Variants in NIM1K observed in about 807,000 individuals in gnomAD.
NIM1K encodes NIM1 serine/threonine protein kinase.
NIM1K carries 35 observed loss-of-function variants against 37.1 expected under a neutral mutation model. The ratio of observed to expected loss-of-function variants is 0.94; its 90% CI spans 0.72 to 1.25. The LOEUF (loss-of-function observed/expected upper bound fraction) is 1.25, where lower values mean the gene tolerates loss of function less well. Ranked by LOEUF, NIM1K falls within the 50% of genes most tolerant of loss-of-function variation. The pLI is 0.00. For synonymous variants in NIM1K, 234 were observed against 206.6 expected (o/e 1.13, Z -1.14); for missense variants, 564 against 548.0 (o/e 1.03, Z -0.29).
Position 43,245,534 on chromosome 5 carries a change from G to T in NIM1K, c.-242G>T. 2 of 428,422 alleles carry T rather than the reference G, an allele frequency of 4.7e-6. No homozygotes were observed. Among genetic ancestry groups the T allele is most frequent in the Admixed American group, 3.9e-5 (1 of 25,414 alleles). The allele number at this position is 428,422 out of a possible 1,614,324, so 26.5% of individuals were successfully genotyped here. A position where few individuals can be genotyped will look rare whatever the true frequency, so the allele number is the denominator to read the frequency against. On this transcript the variant is annotated 5_prime_UTR_variant, in exon 2 of 4. The change creates a new upstream start codon in the 5' untranslated region. Transcript: ENST00000326035. ...GCTAGAGCCTGCAAGTTCAACGTGA[G>T]GGAAGGTGGGAAATGTCTTGAGTGA...
At chr5:43,210,538 C>A (rs775190588) in intron 1 of NIM1K, among the ~76,000 whole-genome samples, 1 of 152,002 alleles carries the variant, frequency 6.6e-6, no homozygotes, top group Non-Finnish European at 1.5e-5. Flanking sequence ...TGGGGCACCA[C>A]GGACTGGAGG....
chr5:43,219,612 T>C (rs1752353004), intron 1 of NIM1K, among the ~76,000 whole-genome samples: 2 of 152,174 alleles, frequency 1.3e-5, no homozygotes, highest in African/African-American at 4.8e-5. Context: ...ATTAAAACAA[T>C]TATTGAGTTG....
chr5:43,211,485 C>A (rs371292441), intron 1 of NIM1K, among the ~76,000 whole-genome samples: 1 of 152,174 alleles, frequency 6.6e-6, no homozygotes, highest in Non-Finnish European at 1.5e-5. Flanking sequence ...TCTTTGGGAA[C>A]GACCATGGGG....
intron 1 of NIM1K, among the ~76,000 whole-genome samples, chr5:43,193,897 C>T (rs1208553234): frequency 6.6e-6 from 1 of 152,142 alleles, no homozygotes; most frequent in African/African-American, 2.4e-5. Flanking sequence ...CTCTTGTACC[C>T]TCGTTGTCAC....
At chr5:43,269,207 G>A (rs1753216338) in intron 2 of NIM1K, among the ~76,000 whole-genome samples, 1 of 150,068 alleles carries the variant, frequency 6.7e-6, no homozygotes, top group Non-Finnish European at 1.5e-5. Flanking sequence ...CTACTCAGGA[G>A]GCTGAGGCAG....
At chr5:43,225,262 A>G (rs1752438764) in intron 1 of NIM1K, among the ~76,000 whole-genome samples, 1 of 7,062 alleles carries the variant, frequency 1.4e-4, no homozygotes, top group Non-Finnish European at 2.7e-4. Context: ...CCTCTTTCCA[A>G]AAAAAAAAAA....
At chr5:43,273,751 C>A (rs1355127800) in intron 2 of NIM1K, among the ~76,000 whole-genome samples, 6 of 152,166 alleles carry the variant, frequency 3.9e-5, no homozygotes, top group African/African-American at 1.4e-4. Context: ...AGCTCCTAGG[C>A]CAAGTATGAG....
chr5:43,266,034 T>A (rs1753150463), intron 2 of NIM1K, among the ~76,000 whole-genome samples: 1 of 152,234 alleles, frequency 6.6e-6, no homozygotes, highest in African/African-American at 2.4e-5. Context: ...AGTCGGCCCC[T>A]ACTGGGAGGT....
chr5:43,201,939 C>T (rs1281629215), intron 1 of NIM1K, among the ~76,000 whole-genome samples: 1 of 143,256 alleles, frequency 7.0e-6, no homozygotes, highest in Non-Finnish European at 1.5e-5. Context: ...AGCCTGGTGA[C>T]AGAGCGAGAC....
intron 1 of NIM1K, among the ~76,000 whole-genome samples, chr5:43,195,856 A>T (rs1163493169): frequency 1.3e-5 from 2 of 152,216 alleles, no homozygotes; most frequent in East Asian, 3.8e-4. Flanking sequence ...GTAAGGAGAA[A>T]GCAGATTAAT....
At chr5:43,229,646 T>C (rs1182408056) in intron 1 of NIM1K, among the ~76,000 whole-genome samples, 3 of 150,680 alleles carry the variant, frequency 2.0e-5, no homozygotes, top group African/African-American at 4.9e-5. Context: ...TAGCCTTTTT[T>C]TTTTTTTTGA....
chr5:43,280,630 A>G lies in NIM1K; in HGVS notation c.1212A>G (p.Pro404=). ...VQRKKALESV[P]VMMLPDPKER... ...GGAAGAAGGCTTTGGAAAGTGTCCC[A>G]GTCATGATGCTACCAGACCCTAAAG... The change falls in exon 4 of 4, where the codon CCA becomes CCG. Residue 404 remains proline (P), a synonymous_variant. Coordinates refer to ENST00000326035, the MANE Select transcript of NIM1K (RefSeq NM_153361.4). 1 of 1,614,150 alleles carries G rather than the reference A, an allele frequency of 6.2e-7. No individual in the cohort carries two copies. The highest frequency in any genetic ancestry group is 8.5e-7 in the Non-Finnish European group (1 of 1,180,024).
chr5:43,241,665 G>C (rs1752705688), intron 1 of NIM1K, among the ~76,000 whole-genome samples: 1 of 151,866 alleles, frequency 6.6e-6, no homozygotes, highest in Non-Finnish European at 1.5e-5. Context: ...AAATCAATTT[G>C]TAAAATTCTT....
chr5:43,213,213 CTTTCTTTCT>C (rs1554013579), intron 1 of NIM1K, among the ~76,000 whole-genome samples: 13 of 45,566 alleles, frequency 2.9e-4, no homozygotes, highest in African/African-American at 9.7e-4. Flanking sequence ...TTCTTTCTTT[CTTTCTTTCT>C]TTCCTTCTTT....
intron 1 of NIM1K, among the ~76,000 whole-genome samples, chr5:43,238,496 C>T (rs1752652894): frequency 6.6e-6 from 1 of 151,604 alleles, no homozygotes; most frequent in Non-Finnish European, 1.5e-5. Context: ...CCTTCAAGTT[C>T]CTTTTTGTTG....
At chr5:43,210,211 G>A (rs73751053) in intron 1 of NIM1K, among the ~76,000 whole-genome samples, 1 of 151,664 alleles carries the variant, frequency 6.6e-6, no homozygotes, top group South Asian at 2.1e-4. Context: ...GGGAGGAGAG[G>A]GGAAAATTTA....
intron 1 of NIM1K, among the ~76,000 whole-genome samples, chr5:43,211,323 T>C (rs1386081404): frequency 6.6e-6 from 1 of 152,116 alleles, no homozygotes; most frequent in African/African-American, 2.4e-5. Context: ...TCTTTGACAG[T>C]GAAAGGTTCT....
At chr5:43,213,093 A>G (rs1011915197) in intron 1 of NIM1K, among the ~76,000 whole-genome samples, 1 of 152,080 alleles carries the variant, frequency 6.6e-6, no homozygotes, top group African/African-American at 2.4e-5. Flanking sequence ...GGTGCCTGAT[A>G]TCATTTTTTC....
At chr5:43,250,004 C>A (rs1209390766) in intron 2 of NIM1K, among the ~76,000 whole-genome samples, 1 of 151,882 alleles carries the variant, frequency 6.6e-6, no homozygotes, top group Non-Finnish European at 1.5e-5. Context: ...AGACACCCAC[C>A]ACCACGCCTG....
Sources: allele counts gnomAD v4.1 joint callset (sites outside exome capture counted in the v4.1 genomes callset), GRCh38; gene constraint gnomAD v4.1.1; transcripts MANE v1.5; gene names NCBI Gene and HGNC (gene_info 2026-07-23, HGNC 2026-07-21).